Variants in WDFY3 observed in about 807,000 individuals in gnomAD.
WDFY3 encodes WD repeat and FYVE domain containing 3.
WDFY3 carries 66 observed loss-of-function variants against 409.6 expected under a neutral mutation model. The observed-to-expected ratio is 0.16, with a 90% CI of 0.13 to 0.20. WDFY3 has a LOEUF of 0.20. Ranked by LOEUF, WDFY3 falls within the 10% of genes least tolerant of loss-of-function variation. The probability of loss-of-function intolerance (pLI) is 1.00; values close to 1 mark genes in which losing one functional copy is unlikely to be tolerated. For synonymous variants in WDFY3, 1,521 were observed against 1,537.1 expected (o/e 0.99, Z 0.25); for missense variants, 3,031 against 4,298.1 (o/e 0.71, Z 8.24).
At chr4:84,780,877 C>A (rs1746389022) in intron 25 of WDFY3, among the ~76,000 whole-genome samples, 2 of 152,110 alleles carry the variant, frequency 1.3e-5, no homozygotes, top group Non-Finnish European at 2.9e-5. Flanking sequence ...CAGAGAAGAG[C>A]AGGGCTTTAC....
intron 1 of WDFY3, among the ~76,000 whole-genome samples, chr4:84,963,132 A>C (rs1365032587): frequency 3.3e-5 from 5 of 151,908 alleles, no homozygotes; most frequent in South Asian, 2.1e-4. Context: ...AAAAACAAAA[A>C]AAAAAAAACG....
chr4:84,793,713 C>G (rs1305343275), intron 21 of WDFY3, among the ~76,000 whole-genome samples: 1 of 152,150 alleles, frequency 6.6e-6, no homozygotes, highest in Non-Finnish European at 1.5e-5. Context: ...AGCGTCATAA[C>G]AAGAATTTTA....
At chr4:84,918,799 A>G (rs1312782691) in intron 2 of WDFY3, among the ~76,000 whole-genome samples, 1 of 147,116 alleles carries the variant, frequency 6.8e-6, no homozygotes, top group African/African-American at 2.5e-5. Flanking sequence ...ACACATGCGC[A>G]TATTTGTGTG....
Position 84,828,886 on chromosome 4 carries a change from T to C in WDFY3, c.956+118A>G, listed in dbSNP as rs113029610. On this transcript the variant is annotated intron_variant, in intron 9 of 67. Coordinates refer to ENST00000295888, the MANE Select transcript of WDFY3 (RefSeq NM_014991.6). ...AAAAAGAAGGGAGTAAAGCCAGGTA[T>C]ACATTAAATAAGTGTTTCCTTAATT... 2.4e-5 allele frequency: 25 copies of C among 1,021,080 alleles called. No individual in the cohort carries two copies. The African/African-American group carries it at 3.0e-4, about 12-fold the overall frequency. 63.3% of individuals were successfully genotyped at this position (1,021,080 alleles called of 1,614,324 possible).
intron 14 of WDFY3, 170 bp downstream of exon 14, chr4:84,809,717 A>C: frequency 1.7e-6 from 1 of 585,218 alleles, no homozygotes; most frequent in Non-Finnish European, 2.7e-6. Flanking sequence ...AAAAAAAAAA[A>C]CAATACCAGA....
At chr4:84,744,351 T>C (rs1476844583) in intron 36 of WDFY3, among the ~76,000 whole-genome samples, 2 of 151,584 alleles carry the variant, frequency 1.3e-5, no homozygotes, top group Admixed American at 6.6e-5. Flanking sequence ...GGAGGGGAAA[T>C]ACATTTGTAA....
At chr4:84,779,272 CAG>C (rs1290268537) in intron 26 of WDFY3, among the ~76,000 whole-genome samples, 2 of 152,116 alleles carry the variant, frequency 1.3e-5, no homozygotes, top group African/African-American at 4.8e-5. Context: ...ACACAGTAAA[CAG>C]TATATTCATT....
intron 1 of WDFY3, among the ~76,000 whole-genome samples, chr4:84,959,823 A>G (rs1422775836): frequency 2.0e-5 from 3 of 152,212 alleles, no homozygotes; most frequent in Admixed American, 2.0e-4. Context: ...ACAAAACTTG[A>G]TGAACTTCAT....
At chr4:84,809,665 G>A (rs1393049042) in intron 14 of WDFY3, 2 of 433,554 alleles carry the variant, frequency 4.6e-6, no homozygotes, top group Non-Finnish European at 8.0e-6. Context: ...AGAACTAATT[G>A]AACCTGAATT....
chr4:84,856,755 T>C (rs1759813171), intron 4 of WDFY3, among the ~76,000 whole-genome samples: 1 of 152,302 alleles, frequency 6.6e-6, no homozygotes, highest in East Asian at 1.9e-4. Context: ...TGTCCATGTC[T>C]AACAGCTTGT....
At chr4:84,881,026 T>C (rs952269645) in intron 3 of WDFY3, among the ~76,000 whole-genome samples, 1 of 151,936 alleles carries the variant, frequency 6.6e-6, no homozygotes, top group Non-Finnish European at 1.5e-5. Context: ...CCCAACCTGA[T>C]GGTAAGTCTT....
intron 7 of WDFY3, among the ~76,000 whole-genome samples, chr4:84,834,864 C>T (rs1756349350): frequency 2.0e-5 from 3 of 152,144 alleles, no homozygotes; most frequent in Admixed American, 2.0e-4. Flanking sequence ...TATTTTAAAA[C>T]ATTTAATAAG....
intron 32 of WDFY3, among the ~76,000 whole-genome samples, chr4:84,759,019 T>C (rs1264932959): frequency 9.2e-5 from 14 of 152,210 alleles, no homozygotes; most frequent in Non-Finnish European, 2.9e-5. Flanking sequence ...GCTTTCTACA[T>C]ATGGCTAGGC....
At chr4:84,767,164 T>G (rs985109181) in intron 30 of WDFY3, among the ~76,000 whole-genome samples, 4 of 152,314 alleles carry the variant, frequency 2.6e-5, no homozygotes, top group African/African-American at 9.6e-5. Flanking sequence ...CTTATTTTGG[T>G]AATTCTTACA....
intron 14 of WDFY3, chr4:84,809,532 T>C (rs1752119721): frequency 5.9e-6 from 1 of 169,898 alleles, no homozygotes. Context: ...ATCATAATGA[T>C]GTTCTATTGA....
chr4:84,807,336 G>A (rs1751684780), intron 15 of WDFY3, among the ~76,000 whole-genome samples: 1 of 152,170 alleles, frequency 6.6e-6, no homozygotes, highest in Middle Eastern at 3.4e-3. Context: ...AGTTTGTTGT[G>A]CAAAGTAAGC....
At chr4:84,787,422 C>A in intron 23 of WDFY3, 60 bp downstream of exon 23, 1 of 1,482,530 alleles carries the variant, frequency 6.7e-7, no homozygotes. Context: ...CACACACATG[C>A]ATCTATATTG....
intron 6 of WDFY3, among the ~76,000 whole-genome samples, chr4:84,838,695 C>A (rs1176182423): frequency 6.6e-6 from 1 of 152,136 alleles, no homozygotes; most frequent in Non-Finnish European, 1.5e-5. Flanking sequence ...ATACTCTAAA[C>A]CTTTTGTTCT....
At chr4:84,741,943 A>G (rs1383004144) in intron 37 of WDFY3, 22 bp from the exon 38 acceptor site, 2 of 1,560,588 alleles carry the variant, frequency 1.3e-6, no homozygotes, top group Middle Eastern at 1.7e-4. Flanking sequence ...TAGGAAAAAA[A>G]GTCTAAGAAA....
Sources: allele counts gnomAD v4.1 joint callset (sites outside exome capture counted in the v4.1 genomes callset), GRCh38; gene constraint gnomAD v4.1.1; transcripts MANE v1.5; gene names NCBI Gene and HGNC (gene_info 2026-07-23, HGNC 2026-07-21).